NLRP13: variants seen among roughly 807,000 people sequenced by gnomAD.
The protein encoded by NLRP13 is NLR family pyrin domain containing 13.
In NLRP13, 82 loss-of-function variants were observed where a neutral mutation model predicts 94.4. The observed-to-expected ratio is 0.87, with a 90% CI of 0.73 to 1.04. The LOEUF (loss-of-function observed/expected upper bound fraction) is 1.04. Among genes scored for constraint, NLRP13 ranks in the 50% least tolerant of loss-of-function variants. NLRP13 has a pLI of 0.00. For synonymous variants in NLRP13, 553 were observed against 464.7 expected (o/e 1.19, Z -2.45); for missense variants, 1,426 against 1,230.8 (o/e 1.16, Z -2.37).
At chr19:55,907,343 A>G (rs1332134234) in intron 7 of NLRP13, among the ~76,000 whole-genome samples, 1 of 152,104 alleles carries the variant, frequency 6.6e-6, no homozygotes, top group Non-Finnish European at 1.5e-5. Flanking sequence ...AGGCCGAGGC[A>G]AGCAGATTGC....
intron 4 of NLRP13, among the ~76,000 whole-genome samples, chr19:55,915,578 A>T (rs1986655364): frequency 6.6e-6 from 1 of 152,200 alleles, no homozygotes; most frequent in Non-Finnish European, 1.5e-5. Context: ...AGCCTGGGCA[A>T]CGGGGCAAGA....
At chr19:55,920,676 A>G (rs1258064055) in intron 4 of NLRP13, among the ~76,000 whole-genome samples, 1 of 152,140 alleles carries the variant, frequency 6.6e-6, no homozygotes, top group Non-Finnish European at 1.5e-5. Flanking sequence ...TTAGTACAAT[A>G]TCTATGAAAA....
In NLRP13 at chr19:55,909,068, T is replaced by G. The variant is rs545989459; in HGVS notation, c.2283-1112A>C. Among the ~76,000 whole-genome samples the G allele has an allele frequency of 2.0e-5, 3 of 152,308 alleles. No homozygotes were observed. In the East Asian group the frequency reaches 5.8e-4, roughly 29 times the overall value. On this transcript the variant is annotated intron_variant, in intron 6 of 10. Transcript: ENST00000342929. ...ATGCACACATCTAGGCTTTAGACCTTGAAAAGTAAGACCTAATGGTGGGGG... is the reference window on the plus strand; with the variant it reads ...ATGCACACATCTAGGCTTTAGACCTGGAAAAGTAAGACCTAATGGTGGGGG...
rs868616306 is a variant in NLRP13 at position 55,896,846 on chromosome 19, T to A, written c.2958-727A>T. On this transcript the variant is annotated intron_variant, in intron 10 of 10. Transcript: ENST00000342929. ...AAAAAAAAAAAAAAAAAAAAAAAAA[T>A]GGAAAAGAGTGGAGTACTTACTGCA... Among the ~76,000 whole-genome samples, 615 of 94,598 alleles carry A rather than the reference T, an allele frequency of 6.5e-3. 3 individuals carry two copies. Among genetic ancestry groups the A allele is most frequent in the Middle Eastern group, 0.012 (2 of 162 alleles). 62.1% of individuals were successfully genotyped at this position (94,598 alleles called of 152,430 possible). A position where few individuals can be genotyped will look rare whatever the true frequency, so the allele number is the denominator to read the frequency against.
chr19:55,897,457 G>T (rs1431785462), intron 10 of NLRP13, among the ~76,000 whole-genome samples: 1 of 152,140 alleles, frequency 6.6e-6, no homozygotes, highest in Non-Finnish European at 1.5e-5. Context: ...ACTGAGCTGA[G>T]ATCGCACCAC....
intron 6 of NLRP13, among the ~76,000 whole-genome samples, chr19:55,908,202 C>T (rs1318880): frequency 0.74 from 111,687 of 151,880 alleles, 41,465 homozygotes; most frequent in African/African-American, 0.83. Context: ...CTTCCCTCTC[C>T]ACCTCTCCTA....
intron 1 of NLRP13, among the ~76,000 whole-genome samples, 154 bp downstream of exon 1, chr19:55,931,839 T>A (rs1215735145): frequency 6.6e-6 from 1 of 151,830 alleles, no homozygotes; most frequent in African/African-American, 2.4e-5. Flanking sequence ...TTTATAGCCT[T>A]TATGCCTTTA....
rs375568805 is a variant in NLRP13, at chr19:55,915,139, C to T, written c.524-1846G>A. Among the ~76,000 whole-genome samples the T allele has an allele frequency of 1.4e-3, 212 of 152,196 alleles. 10 individuals carry two copies. In the South Asian group the frequency reaches 0.041, roughly 30 times the overall value. ...ACGAGTTCTGTGATGTACTGCATAG[C>T]AATGTAACTGTAGTTAATAACAGTG... On this transcript the variant is annotated intron_variant, in intron 4 of 10. Coordinates refer to ENST00000342929, the MANE Select transcript of NLRP13 (RefSeq NM_176810.2).
chr19:55,912,955 C>G lies in NLRP13; in HGVS notation c.862G>C (p.Asp288His), dbSNP rs1434560919. The change falls in exon 5 of 11, where the codon GAT becomes CAT. Residue 288 changes from aspartate (D) to histidine (H), a missense_variant. Asp to His is a moderately conservative substitution (Grantham distance 81). Transcript: ENST00000342929. ...ATGGGGGCATCAAAATCGGGCCAAT[C>G]CAAAGAAATCAATTCAGCAAAGGTA... ...ETTFAELISL[D>H]WPDFDAPIEE... is the part of the protein sequence containing the mutation. 3.1e-6 allele frequency: 5 copies of G among 1,613,894 alleles called. No individual in the cohort carries two copies. In the Admixed American group the frequency reaches 6.7e-5, roughly 22 times the overall value.
rs201994825 is a variant in NLRP13 at position 55,913,151 on chromosome 19, A to T, written c.666T>A (p.Asn222Lys). 9.4e-5 allele frequency: 152 copies of T among 1,613,956 alleles called. No individual in the cohort carries two copies. In the South Asian group the frequency reaches 1.3e-3, roughly 14 times the overall value. The change falls in exon 5 of 11, where the codon AAT becomes AAA. Residue 222 changes from asparagine to lysine, a missense_variant. Physicochemically the swap from Asn to Lys is moderately conservative, Grantham distance 94. Coordinates refer to ENST00000342929, the MANE Select transcript of NLRP13 (RefSeq NM_176810.2). ...HEELQRLLDPNRTRAQAQTIV... is the reference protein window; with the variant it reads ...HEELQRLLDPKRTRAQAQTIV... ...TCGTCTGGGCCTGGGCTCTAGTCCT[A>T]TTAGGATCCAGTAGGCGCTGCAGTT...
At chr19:55,927,044 C>A (rs551685403) in intron 1 of NLRP13, among the ~76,000 whole-genome samples, 9 of 151,380 alleles carry the variant, frequency 5.9e-5, no homozygotes, top group South Asian at 4.2e-4. Flanking sequence ...AAAAAAAAAA[C>A]CAACCCAAAA....
intron 4 of NLRP13, among the ~76,000 whole-genome samples, chr19:55,914,707 A>G (rs7260642): frequency 0.16 from 23,900 of 152,240 alleles, 1,937 homozygotes; most frequent in East Asian, 0.22. Context: ...CACAAATGAT[A>G]GAATTTGTGT....
At position 55,932,088 on chromosome 19, in the gene NLRP13, T is replaced by A; in HGVS notation, c.224A>T (p.His75Leu). The A allele has an allele frequency of 1.9e-6, 3 of 1,614,142 alleles. No individual in the cohort carries two copies. Among genetic ancestry groups the A allele is most frequent in the Non-Finnish European group, 2.5e-6 (3 of 1,180,016 alleles). ...TTTCCATGCCTGACCTTTTGGGAAGTGTTCATCCAAAAGAAAGGACAGATT... is the reference window on the plus strand; with the variant it reads ...TTTCCATGCCTGACCTTTTGGGAAGAGTTCATCCAAAAGAAAGGACAGATT... ...PLNLSFLLDE[H>L]FPKGQAWKVV... The change falls in exon 1 of 11, where the codon CAC (histidine) becomes CTC (leucine). Residue 75 changes from histidine to leucine, a missense_variant. Physicochemically the swap from His to Leu is moderately conservative, Grantham distance 99. Transcript: ENST00000342929.
rs946259725 is a variant in NLRP13, at chr19:55,930,112, G to A, written c.319+1881C>T. On this transcript the variant is annotated intron_variant, in intron 1 of 10. Coordinates refer to ENST00000342929, the MANE Select transcript of NLRP13 (RefSeq NM_176810.2). Reference sequence around the variant, plus strand: ...TATGACTCCGCATGCCCCGTGTCCAGGGTTCTGATATGGAAGACTCAGTAT... The same window carrying A: ...TATGACTCCGCATGCCCCGTGTCCAAGGTTCTGATATGGAAGACTCAGTAT... Among the ~76,000 whole-genome samples the A allele has an allele frequency of 2.0e-5, 3 of 152,098 alleles. No individual in the cohort carries two copies. The South Asian group carries it at 6.2e-4, about 32-fold the overall frequency.
At chr19:55,924,072 T>C (rs554722246) in intron 3 of NLRP13, 93 bp from the exon 4 acceptor site, 52 of 942,346 alleles carry the variant, frequency 5.5e-5, no homozygotes, top group Non-Finnish European at 8.7e-5. Flanking sequence ...ACTCTTTCTA[T>C]GGCAAACTTG....
intron 7 of NLRP13, among the ~76,000 whole-genome samples, chr19:55,906,618 G>A (rs1033781779): frequency 4.6e-5 from 7 of 152,078 alleles, no homozygotes; most frequent in Non-Finnish European, 7.4e-5. Flanking sequence ...CCCAGGCTGA[G>A]GAAGTTGAGA....
chr19:55,919,839 T>C (rs1986769643), intron 4 of NLRP13, among the ~76,000 whole-genome samples: 1 of 152,040 alleles, frequency 6.6e-6, no homozygotes, highest in African/African-American at 2.4e-5. Flanking sequence ...AATCCTAAAA[T>C]TCATATGGAA....
At chr19:55,904,180 C>A (rs531570038) in intron 8 of NLRP13, among the ~76,000 whole-genome samples, 1 of 152,308 alleles carries the variant, frequency 6.6e-6, no homozygotes, top group East Asian at 1.9e-4. Context: ...GAAACCTTCA[C>A]CTCCTGGGTT....
rs148676608 is a variant in NLRP13 at position 55,921,504 on chromosome 19, A to G, written c.523+2410T>C. 2.2e-3 allele frequency among the ~76,000 whole-genome samples: 339 copies of G among 152,314 alleles called. 5 individuals are homozygous for G. The highest frequency in any genetic ancestry group is 0.015 in the Admixed American group (227 of 15,286). On this transcript the variant is annotated intron_variant, in intron 4 of 10. Coordinates refer to ENST00000342929, the MANE Select transcript of NLRP13 (RefSeq NM_176810.2). The stretch of plus-strand genomic sequence containing the variant: ...ATATGATATGGACATTTATCAAAGT[A>G]TTGCTTAATGTTTTTTAAAAAGCTG...
Sources: allele counts gnomAD v4.1 joint callset (sites outside exome capture counted in the v4.1 genomes callset), GRCh38; gene constraint gnomAD v4.1.1; transcripts MANE v1.5; gene names NCBI Gene and HGNC (gene_info 2026-07-23, HGNC 2026-07-21).